ZNF730: variants seen among roughly 807,000 people sequenced by gnomAD.
ZNF730 encodes the protein putative zinc finger protein 730.
A neutral mutation model predicts 12.6 loss-of-function variants in ZNF730; 12 were observed. The observed-to-expected ratio is 0.95, with a 90% CI of 0.61 to 1.54. The LOEUF (loss-of-function observed/expected upper bound fraction) is 1.54, where lower values mean the gene tolerates loss of function less well. Ranked by LOEUF, ZNF730 falls within the 40% of genes most tolerant of loss-of-function variation. The pLI is 0.00. For synonymous variants in ZNF730, 194 were observed against 195.8 expected (o/e 0.99, Z 0.08); for missense variants, 643 against 583.5 (o/e 1.10, Z -1.05).
upstream of ZNF730, among the ~76,000 whole-genome samples, chr19:23,116,203 G>A (rs1378674401): frequency 2.0e-5 from 3 of 152,168 alleles, no homozygotes; most frequent in African/African-American, 7.2e-5. Context: ...AAGACATAGA[G>A]TTTTCTTCCC....
intron 1 of ZNF730, chr19:23,127,856 G>C: frequency 1.5e-6 from 1 of 655,526 alleles, no homozygotes; most frequent in African/African-American, 1.8e-5. Context: ...GCTTATACCC[G>C]TATAGAAGAG....
Position 23,108,530 on chromosome 19 carries a change from A to G in ZNF730, c.-93-25550A>G, listed in dbSNP as rs775780137. On this transcript the variant is annotated intron_variant, in intron 1 of 2. Transcript: ENST00000593635. ...AAAAGACAGCTTCAAGATGTACTCA[A>G]ATACTTTGCTAAACTGCAACAGAAT... 7.2e-5 allele frequency among the ~76,000 whole-genome samples: 11 copies of G among 152,228 alleles called. No individual in the cohort carries two copies. The East Asian group carries it at 9.6e-4, about 13-fold the overall frequency.
intron 1 of ZNF730, chr19:23,126,644 C>T (rs1442638404): frequency 2.0e-6 from 1 of 499,314 alleles, no homozygotes; most frequent in African/African-American, 2.0e-5. Flanking sequence ...TCAGTTCTAA[C>T]TCTGCCAGTT....
chr19:23,088,895 G>A (rs1018693327), intron 1 of ZNF730, among the ~76,000 whole-genome samples: 3 of 151,950 alleles, frequency 2.0e-5, no homozygotes, highest in Non-Finnish European at 4.4e-5. Context: ...TTTTTGAGAT[G>A]GAGTTTCTCT....
At chr19:23,105,730 G>A (rs146299843) in intron 1 of ZNF730, among the ~76,000 whole-genome samples, 21 of 152,258 alleles carry the variant, frequency 1.4e-4, no homozygotes, top group South Asian at 8.3e-4. Flanking sequence ...ATGTTGAAAT[G>A]CAAACCTTTT....
chr19:23,106,660 A>C (rs1173867040), intron 1 of ZNF730, among the ~76,000 whole-genome samples: 1 of 151,994 alleles, frequency 6.6e-6, no homozygotes, highest in Admixed American at 6.6e-5. Flanking sequence ...GTATGGTGGC[A>C]CATGCCTGTA....
In ZNF730 at chr19:23,145,406, A is replaced by T; in HGVS notation, c.362A>T (p.Asp121Val). The change falls in exon 4 of 4, where the codon GAT becomes GTT. Residue 121 changes from aspartate (D) to valine (V), a missense_variant. Physicochemically the swap from Asp to Val is radical, Grantham distance 152. Transcript: ENST00000597761. ...LLLRKGCKNV[D>V]EFKMHKKGYN... ...TTAAGAAAAGGCTGTAAAAATGTGGATGAGTTTAAGATGCACAAAAAAGGT... is the reference window on the plus strand; with the variant it reads ...TTAAGAAAAGGCTGTAAAAATGTGGTTGAGTTTAAGATGCACAAAAAAGGT... 6.3e-7 allele frequency: 1 copy of T among 1,587,830 alleles called. No homozygotes were observed. The highest frequency in any genetic ancestry group is 8.6e-7 in the Non-Finnish European group (1 of 1,167,728).
At chr19:23,079,427 G>A (rs1969926568) in intron 1 of ZNF730, among the ~76,000 whole-genome samples, 1 of 152,142 alleles carries the variant, frequency 6.6e-6, no homozygotes, top group Admixed American at 6.6e-5. Context: ...CAGAGTGCTG[G>A]AATTACAGCC....
intron 1 of ZNF730, among the ~76,000 whole-genome samples, chr19:23,117,962 C>T (rs1970553338): frequency 6.6e-6 from 1 of 152,118 alleles, no homozygotes; most frequent in African/African-American, 2.4e-5. Context: ...TCACACTCCA[C>T]AGGAGACTGA....
At chr19:23,094,239 C>T (rs1488849856) in intron 1 of ZNF730, among the ~76,000 whole-genome samples, 1 of 150,744 alleles carries the variant, frequency 6.6e-6, no homozygotes, top group Admixed American at 6.6e-5. Flanking sequence ...CTCTGTTATG[C>T]TCCTTCCTGC....
chr19:23,125,562 A>C (rs1970653082), intron 1 of ZNF730: 1 of 152,214 alleles, frequency 6.6e-6, no homozygotes, highest in Admixed American at 6.5e-5. Flanking sequence ...GAGATTTGTG[A>C]AACTTTGAAC....
chr19:23,084,796 T>G (rs1422824230), intron 1 of ZNF730, among the ~76,000 whole-genome samples: 1 of 152,196 alleles, frequency 6.6e-6, no homozygotes, highest in Non-Finnish European at 1.5e-5. Flanking sequence ...ATGATCTCAT[T>G]CTTTTTTATG....
intron 1 of ZNF730, 142 bp downstream of exon 1, chr19:23,117,318 C>G (rs558210192): frequency 3.3e-5 from 49 of 1,497,474 alleles, no homozygotes; most frequent in Admixed American, 5.5e-5. Flanking sequence ...GGCCTCAGTC[C>G]CCTTCAGCCA....
At position 23,146,890 on chromosome 19, in the gene ZNF730, C is replaced by A; in HGVS notation, c.*334C>A. 1.7e-6 allele frequency: 1 copy of A among 586,674 alleles called. No individual in the cohort carries two copies. Among genetic ancestry groups the A allele is most frequent in the Non-Finnish European group, 3.0e-6 (1 of 329,912 alleles). The allele number at this position is 586,674 out of a possible 1,614,324, so 36.3% of individuals were successfully genotyped here. On this transcript the variant is annotated 3_prime_UTR_variant, in exon 4 of 4. Transcript: ENST00000597761. ...TCATACCAGAGAGAAACTCTACAAA[C>A]CTGAAAGTTTTAACAGTGCTTTTGA...
intron 1 of ZNF730, among the ~76,000 whole-genome samples, chr19:23,090,603 G>A (rs1424153992): frequency 1.3e-5 from 2 of 152,160 alleles, no homozygotes; most frequent in East Asian, 1.9e-4. Flanking sequence ...GTAGCAAGGA[G>A]CCTAATGTTA....
chr19:23,076,575 G>A (rs1004651405), intron 1 of ZNF730, among the ~76,000 whole-genome samples: 1 of 152,134 alleles, frequency 6.6e-6, no homozygotes, highest in Non-Finnish European at 1.5e-5. Flanking sequence ...CATCCCCTGG[G>A]TCATTTCTTA....
chr19:23,081,018 G>A (rs1004637176), intron 1 of ZNF730, among the ~76,000 whole-genome samples: 5 of 150,668 alleles, frequency 3.3e-5, no homozygotes, highest in Non-Finnish European at 7.4e-5. Flanking sequence ...GCTAAGTTTT[G>A]AATTTTTCGT....
At chr19:23,101,811 G>A (rs1282300879) in intron 1 of ZNF730, among the ~76,000 whole-genome samples, 2 of 152,082 alleles carry the variant, frequency 1.3e-5, no homozygotes, top group African/African-American at 4.8e-5. Context: ...CTCGTGTTCT[G>A]CCCGCCTCAG....
intron 1 of ZNF730, among the ~76,000 whole-genome samples, chr19:23,088,129 C>T (rs1970096718): frequency 6.6e-6 from 1 of 151,682 alleles, no homozygotes; most frequent in African/African-American, 2.4e-5. Flanking sequence ...AGCAATTCTC[C>T]CTGCCTCAGC....
Sources: allele counts gnomAD v4.1 joint callset (sites outside exome capture counted in the v4.1 genomes callset), GRCh38; gene constraint gnomAD v4.1.1; transcripts MANE v1.5; gene names NCBI Gene and HGNC (gene_info 2026-07-23, HGNC 2026-07-21).